The following ZNF544 variants were observed in gnomAD, a reference collection of about 807,000 sequenced individuals.
ZNF544 encodes zinc finger protein 544, also known as zinc finger protein AF020591.
A neutral mutation model predicts 13.5 loss-of-function variants in ZNF544; 10 were observed. The ratio of observed to expected loss-of-function variants is 0.74; its 90% confidence interval spans 0.46 to 1.25. The LOEUF (loss-of-function observed/expected upper bound fraction) is 1.25. ZNF544 is among the 50% of genes most tolerant of loss of function. The probability of loss-of-function intolerance (pLI) is 0.00; values close to 1 mark genes in which losing one functional copy is unlikely to be tolerated. For missense variants in ZNF544, 896 were observed against 845.6 expected (o/e 1.06, Z -0.74); for synonymous variants, 323 against 300.5 (o/e 1.07, Z -0.77).
intron 3 of ZNF544, 111 bp from the exon 4 acceptor site, chr19:58,243,854 C>T (rs896152045): frequency 3.4e-5 from 28 of 829,946 alleles, no homozygotes; most frequent in South Asian, 9.1e-5. Flanking sequence ...GGCCCATTCC[C>T]GCACCTGGGA....
intron 3 of ZNF544, 132 bp from the exon 4 acceptor site, chr19:58,243,833 C>T (rs1238433849): frequency 3.2e-6 from 2 of 619,508 alleles, no homozygotes; most frequent in Admixed American, 7.8e-5. Flanking sequence ...AGCCCAGGTC[C>T]CCAGGCGTGA....
At chr19:58,245,311 T>C (rs2044894749) in intron 4 of ZNF544, among the ~76,000 whole-genome samples, 2 of 151,012 alleles carry the variant, frequency 1.3e-5, no homozygotes, top group African/African-American at 2.4e-5. Flanking sequence ...TTTTTTTTTT[T>C]TTTCTTTTGA....
chr19:58,235,318 T>TA (rs2042153929), intron 3 of ZNF544, among the ~76,000 whole-genome samples: 1 of 152,100 alleles, frequency 6.6e-6, no homozygotes, highest in South Asian at 2.1e-4. Context: ...GTATAAAAGA[T>TA]AAAAAATGGC....
chr19:58,241,056 C>CAACCTCCTGGGCTCAAGCAATCAT (rs2043488843), intron 3 of ZNF544, among the ~76,000 whole-genome samples: 1 of 136,818 alleles, frequency 7.3e-6, no homozygotes, highest in Admixed American at 7.7e-5. Flanking sequence ...ACTGCAATCT[C>CAACCTCCTGGGCTCAAGCAATCAT]AACCTCCTGG....
intron 4 of ZNF544, among the ~76,000 whole-genome samples, chr19:58,245,298 G>GTT (rs764540480): frequency 8.1e-5 from 11 of 135,704 alleles, no homozygotes; most frequent in Admixed American, 2.2e-4. Flanking sequence ...TGTTTGTGGG[G>GTT]TTTTTTTTTT....
chr19:58,268,662 GA>G (rs2050234577), downstream of ZNF544, among the ~76,000 whole-genome samples: 1 of 152,290 alleles, frequency 6.6e-6, no homozygotes, highest in African/African-American at 2.4e-5. Context: ...ACTAAAACTA[GA>G]TTAGCTAACA....
At chr19:58,242,126 A>T (rs1477729996) in intron 3 of ZNF544, 2 of 569,962 alleles carry the variant, frequency 3.5e-6, no homozygotes, top group African/African-American at 4.1e-5. Flanking sequence ...AGTTCTCAGA[A>T]GAGATTGCCT....
chr19:58,258,486 G>A (rs2048116956), intron 6 of ZNF544: 13 of 116,758 alleles, frequency 1.1e-4, no homozygotes, highest in Admixed American at 1.0e-3. Flanking sequence ...GGTGCTGGGT[G>A]CGAGGGCACC....
intron 3 of ZNF544, among the ~76,000 whole-genome samples, chr19:58,239,656 T>TGG (rs1432926372): frequency 6.6e-6 from 1 of 152,172 alleles, no homozygotes; most frequent in South Asian, 2.1e-4. Flanking sequence ...CCCAGCACTT[T>TGG]GGGAGGCCGG....
At chr19:58,265,399 C>T (rs260469), downstream of ZNF544, among the ~76,000 whole-genome samples, 81,261 of 151,128 alleles carry the variant, frequency 0.54, 22,105 homozygotes, top group Middle Eastern at 0.65. Flanking sequence ...GGGTTCACGC[C>T]ACTCTCCTGC....
chr19:58,246,433 T>C lies in ZNF544; in HGVS notation c.160+6T>C, dbSNP rs370840760. 2 of 1,613,774 alleles carry C rather than the reference T, an allele frequency of 1.2e-6. No individual in the cohort carries two copies. The highest frequency in any genetic ancestry group is 2.7e-5 in the African/African-American group (2 of 74,878). On this transcript the variant is annotated splice_donor_region_variant and intron_variant, in intron 5 of 6. Transcript: ENST00000687789. ...GGAGCATATTGTCTCCCTGGGTAAG[T>C]GGCTGTGCTCATGGAAGGAGGTTCT...
chr19:58,255,604 AG>A (rs1288788545), intron 6 of ZNF544, among the ~76,000 whole-genome samples: 2 of 134,562 alleles, frequency 1.5e-5, no homozygotes, highest in Non-Finnish European at 3.3e-5. Context: ...TGGATCCCAA[AG>A]GTCTTCAGAC....
Position 58,229,008 on chromosome 19 carries a change from C to A in ZNF544, c.-232+62C>A, listed in dbSNP as rs1330926536. ...CACTGTTAGCCGGGTGCGGCCGGAG[C>A]GCAGGACCAGGCCAGAGCCGCCCCA... On this transcript the variant is annotated intron_variant, in intron 1 of 6. Coordinates refer to ENST00000687789, the MANE Select transcript of ZNF544 (RefSeq NM_014480.4). 3 of 152,516 alleles carry A rather than the reference C, an allele frequency of 2.0e-5. No homozygotes were observed. The South Asian group carries it at 6.2e-4, about 32-fold the overall frequency. 9.4% of individuals were successfully genotyped at this position (152,516 alleles called of 1,614,324 possible). A position where few individuals can be genotyped will look rare whatever the true frequency, so the allele number is the denominator to read the frequency against.
chr19:58,245,235 C>T (rs963180156), intron 4 of ZNF544, among the ~76,000 whole-genome samples: 3 of 149,202 alleles, frequency 2.0e-5, no homozygotes, highest in East Asian at 1.9e-4. Flanking sequence ...CCACCGCGCC[C>T]GACCCCCTGT....
intron 6 of ZNF544, among the ~76,000 whole-genome samples, chr19:58,248,221 T>C (rs1259545592): frequency 2.0e-5 from 3 of 150,978 alleles, no homozygotes; most frequent in Non-Finnish European, 4.4e-5. Context: ...CCTTGAGGCA[T>C]CATTATCACC....
At chr19:58,239,658 G>A (rs2043145146) in intron 3 of ZNF544, among the ~76,000 whole-genome samples, 1 of 152,220 alleles carries the variant, frequency 6.6e-6, no homozygotes, top group African/African-American at 2.4e-5. Context: ...CAGCACTTTG[G>A]GAGGCCGGGG....
At position 58,262,871 on chromosome 19, in the gene ZNF544, C is replaced by A; in HGVS notation, c.*117C>A. The A allele has an allele frequency of 6.7e-7, 1 of 1,499,100 alleles. No individual in the cohort carries two copies. Among genetic ancestry groups the A allele is most frequent in the Non-Finnish European group, 8.9e-7 (1 of 1,129,198 alleles). 92.9% of individuals were successfully genotyped at this position (1,499,100 alleles called of 1,614,324 possible). The stretch of plus-strand genomic sequence containing the variant: ...ACGTGTATTAAGCCAGCGGTTGTGA[C>A]TCATTGAACATCAGAGGACATATCC... On this transcript the variant is annotated 3_prime_UTR_variant, in exon 7 of 7. Coordinates refer to ENST00000687789, the MANE Select transcript of ZNF544 (RefSeq NM_014480.4).
intron 5 of ZNF544, among the ~76,000 whole-genome samples, chr19:58,275,473 A>C (rs893591547): frequency 6.6e-6 from 1 of 152,038 alleles, no homozygotes; most frequent in South Asian, 2.1e-4. Context: ...CTACTGCAAT[A>C]GACAAACTCC....
At chr19:58,242,291 A>C in intron 3 of ZNF544, 1 of 985,200 alleles carries the variant, frequency 1.0e-6, no homozygotes, top group Non-Finnish European at 1.2e-6. Context: ...GAGGTTTCCC[A>C]AGCCTTTGAA....
Sources: gnomAD v4.1 joint callset for allele counts (sites outside exome capture counted in the v4.1 genomes callset) on GRCh38, gnomAD v4.1.1 for gene constraint, MANE v1.5 for transcripts, NCBI Gene and HGNC (gene_info 2026-07-23, HGNC 2026-07-21) for gene names.